CEP63: variants seen among roughly 807,000 people sequenced by gnomAD.
CEP63 encodes centrosomal protein 63.
A neutral mutation model predicts 89.1 loss-of-function variants in CEP63; 84 were observed. That is an observed-to-expected ratio of 0.94 (90% CI 0.79 to 1.13). The LOEUF (loss-of-function observed/expected upper bound fraction) is 1.13, where lower values mean the gene tolerates loss of function less well. Ranked by LOEUF, CEP63 falls within the 50% of genes most tolerant of loss-of-function variation. The pLI is 0.00. For missense variants in CEP63, 838 were observed against 813.3 expected, an observed-to-expected ratio of 1.03 and a Z score of -0.37; for synonymous variants, 267 against 272.5, an observed-to-expected ratio of 0.98 and a Z score of 0.20.
chr3:134,700,018 C>T, the CEP63 span, among the ~76,000 whole-genome samples: 7 of 152,252 alleles, frequency 4.6e-5, no homozygotes, highest in South Asian at 2.1e-4. Flanking sequence ...TTCAGGGGTC[C>T]GCTCTGAACT....
the CEP63 span, among the ~76,000 whole-genome samples, chr3:134,743,928 A>G: frequency 1.3e-5 from 2 of 152,068 alleles, no homozygotes; most frequent in African/African-American, 4.8e-5. Flanking sequence ...CCTCTCCTCA[A>G]AAGAAAAGTA....
chr3:134,644,700 AG>A, the CEP63 span, among the ~76,000 whole-genome samples: 1 of 152,182 alleles, frequency 6.6e-6, no homozygotes, highest in Non-Finnish European at 1.5e-5. Context: ...TGTGCAGATC[AG>A]CCGCTCAGTG....
chr3:134,526,982 TG>T (rs1264350808), intron 3 of CEP63, among the ~76,000 whole-genome samples: 1 of 152,114 alleles, frequency 6.6e-6, no homozygotes, highest in South Asian at 2.1e-4. Flanking sequence ...TCCACTGCAT[TG>T]GGGGGTCAGA....
At chr3:134,674,024 G>A in the CEP63 span, among the ~76,000 whole-genome samples, 2 of 152,164 alleles carry the variant, frequency 1.3e-5, no homozygotes, top group Admixed American at 6.5e-5. Context: ...CATTCCATTG[G>A]ACACAGTGAT....
the CEP63 span, among the ~76,000 whole-genome samples, chr3:134,635,665 T>A: frequency 5.3e-5 from 8 of 152,114 alleles, no homozygotes; most frequent in Admixed American, 2.0e-4. Context: ...ATAGTGGTGG[T>A]TTCACAAATC....
chr3:134,579,612 G>A (rs1035765860), downstream of CEP63, among the ~76,000 whole-genome samples: 7 of 152,104 alleles, frequency 4.6e-5, no homozygotes, highest in Non-Finnish European at 8.8e-5. Context: ...AACCTTCTGC[G>A]CAGTTTTTAA....
intron 14 of CEP63, among the ~76,000 whole-genome samples, chr3:134,560,918 C>T (rs935955340): frequency 1.3e-5 from 2 of 152,198 alleles, no homozygotes; most frequent in Non-Finnish European, 2.9e-5. Context: ...TGAAATATCA[C>T]TAGCCTCAAG....
chr3:134,663,882 CT>C, the CEP63 span, among the ~76,000 whole-genome samples: 6 of 152,224 alleles, frequency 3.9e-5, no homozygotes, highest in East Asian at 1.2e-3. Context: ...GGAGGGAAAT[CT>C]GAGCCAGGCC....
the CEP63 span, among the ~76,000 whole-genome samples, chr3:134,634,339 T>C: frequency 6.6e-6 from 1 of 152,150 alleles, no homozygotes. Flanking sequence ...CACTCTTTGA[T>C]TTTAAGATGC....
At chr3:134,730,367 A>G in the CEP63 span, among the ~76,000 whole-genome samples, 1,108 of 152,250 alleles carry the variant, frequency 7.3e-3, 11 homozygotes, top group African/African-American at 0.024. Flanking sequence ...GACCACTTCC[A>G]CTGTATGGCT....
intron 6 of CEP63, among the ~76,000 whole-genome samples, chr3:134,541,328 C>T (rs988317533): frequency 2.0e-5 from 3 of 151,968 alleles, no homozygotes; most frequent in African/African-American, 7.3e-5. Flanking sequence ...CAAATTTCTT[C>T]TAATGCTTTA....
At chr3:134,747,849 G>A in the CEP63 span, among the ~76,000 whole-genome samples, 15,310 of 152,220 alleles carry the variant, frequency 0.1, 1,124 homozygotes, top group South Asian at 0.36. Context: ...GCAGTGGCAT[G>A]ATCTCGGCTC....
chr3:134,503,677 T>C (rs1329796412), intron 2 of CEP63, among the ~76,000 whole-genome samples: 1 of 152,188 alleles, frequency 6.6e-6, no homozygotes, highest in African/African-American at 2.4e-5. Flanking sequence ...TTCATATGTC[T>C]GTGTGCTCTG....
At chr3:134,670,353 G>T in the CEP63 span, among the ~76,000 whole-genome samples, 3 of 152,144 alleles carry the variant, frequency 2.0e-5, no homozygotes, top group Non-Finnish European at 4.4e-5. Context: ...CTAGCTATGG[G>T]GGTCCCTGAT....
chr3:134,715,942 T>C, the CEP63 span, among the ~76,000 whole-genome samples: 1 of 152,208 alleles, frequency 6.6e-6, no homozygotes, highest in South Asian at 2.1e-4. Flanking sequence ...ATCTTACTTA[T>C]AGATCTAAGT....
chr3:134,661,834 G>C, the CEP63 span, among the ~76,000 whole-genome samples: 4 of 151,066 alleles, frequency 2.6e-5, no homozygotes, highest in Admixed American at 6.6e-5. Context: ...CATATGTTGA[G>C]ATCCTAACTT....
chr3:134,521,191 T>G (rs984245076), intron 3 of CEP63, among the ~76,000 whole-genome samples: 1 of 152,104 alleles, frequency 6.6e-6, no homozygotes, highest in Non-Finnish European at 1.5e-5. Context: ...CACAGGTTAC[T>G]AGGAAAATGC....
At chr3:134,604,522 G>C in the CEP63 span, 25 of 1,468,978 alleles carry the variant, frequency 1.7e-5, no homozygotes, top group Non-Finnish European at 2.3e-5. Context: ...AGCACGTGCT[G>C]ATGTGCTGGT....
At chr3:134,669,939 G>T in the CEP63 span, among the ~76,000 whole-genome samples, 2 of 152,124 alleles carry the variant, frequency 1.3e-5, no homozygotes, top group Non-Finnish European at 2.9e-5. Flanking sequence ...GAAGTGATTG[G>T]GTCATAAGGA....
Sources: allele counts gnomAD v4.1 joint callset (sites outside exome capture counted in the v4.1 genomes callset), GRCh38; gene constraint gnomAD v4.1.1; transcripts MANE v1.5; gene names NCBI Gene and HGNC (gene_info 2026-07-23, HGNC 2026-07-21).